Variants in TRPM8 observed in about 807,000 individuals in gnomAD.
TRPM8 encodes the protein transient receptor potential cation channel subfamily M member 8.
In TRPM8, 110 loss-of-function variants were observed where a neutral mutation model predicts 133.7. That is an observed-to-expected ratio of 0.82 (90% CI 0.70 to 0.96). The LOEUF is 0.96. Ranked by LOEUF, TRPM8 falls within the 40% of genes least tolerant of loss-of-function variation. The pLI is 0.00. For synonymous variants in TRPM8, 535 were observed against 532.3 expected, an observed-to-expected ratio of 1.01 and a Z score of -0.07; for missense variants, 1,291 against 1,379.5, an observed-to-expected ratio of 0.94 and a Z score of 1.02.
At chr2:233,935,562 TTGAGTCACCCAC>T (rs770870642) in intron 3 of TRPM8, among the ~76,000 whole-genome samples, 12 of 152,190 alleles carry the variant, frequency 7.9e-5, no homozygotes, top group Non-Finnish European at 1.2e-4. Context: ...AATCAGAACA[TTGAGTCACCCAC>T]TGATAAAAGG....
At chr2:233,963,558 G>T (rs564867139) in intron 13 of TRPM8, among the ~76,000 whole-genome samples, 181 bp downstream of exon 13, 1 of 152,184 alleles carries the variant, frequency 6.6e-6, no homozygotes, top group Non-Finnish European at 1.5e-5. Context: ...GACCGTCCCC[G>T]GAAAGTAGTC....
chr2:233,935,588 G>C (rs946810738), intron 3 of TRPM8, among the ~76,000 whole-genome samples: 1 of 152,226 alleles, frequency 6.6e-6, no homozygotes, highest in African/African-American at 2.4e-5. Flanking sequence ...TAAAAGGAGA[G>C]CTGTGCCCTT....
At chr2:233,946,085 G>T in intron 7 of TRPM8, 55 bp downstream of exon 7, 1 of 1,544,670 alleles carries the variant, frequency 6.5e-7, no homozygotes, top group African/African-American at 1.4e-5. Flanking sequence ...AGCAGCCACA[G>T]CATCAACAAC....
intron 11 of TRPM8, among the ~76,000 whole-genome samples, chr2:233,958,378 C>T (rs990149726): frequency 1.3e-5 from 2 of 152,204 alleles, no homozygotes; most frequent in African/African-American, 4.8e-5. Flanking sequence ...AAAGCCTCTT[C>T]TCATATGCTG....
At position 233,981,829 on chromosome 2, in the gene TRPM8, G is replaced by T; in HGVS notation, c.2503G>T (p.Asp835Tyr). 1 of 1,613,622 alleles carries T rather than the reference G, an allele frequency of 6.2e-7. No homozygotes were observed. Among genetic ancestry groups the T allele is most frequent in the Non-Finnish European group, 8.5e-7 (1 of 1,179,786 alleles). ...TTCTGGACGAGTCATTTTCTGTCTG[G>T]ACTACATTATTTTCACTCTAAGATT... ...LYSGRVIFCLDYIIFTLRLIH... is the reference protein window; with the variant it reads ...LYSGRVIFCLYYIIFTLRLIH... The change falls in exon 19 of 26, where the codon GAC (aspartate) becomes TAC (tyrosine). Residue 835 changes from aspartate (D) to tyrosine (Y), a missense_variant. Asp to Tyr is a radical substitution (Grantham distance 160). Transcript: ENST00000324695.
At chr2:233,997,879 C>T (rs1261693933) in intron 22 of TRPM8, among the ~76,000 whole-genome samples, 2 of 152,142 alleles carry the variant, frequency 1.3e-5, no homozygotes, top group East Asian at 3.9e-4. Flanking sequence ...CAGCTGTCAG[C>T]CACATGTCCT....
rs1355162073 is a variant in TRPM8 at position 234,014,650 on chromosome 2, G to A, written c.*38G>A. The A allele has an allele frequency of 8.5e-7, 1 of 1,175,682 alleles. No homozygotes were observed. The highest frequency in any genetic ancestry group is 2.7e-5 in the East Asian group (1 of 36,958). The allele number at this position is 1,175,682 out of a possible 1,614,324, so 72.8% of individuals were successfully genotyped here. On this transcript the variant is annotated 3_prime_UTR_variant, in exon 25 of 26. Coordinates refer to ENST00000324695, the MANE Select transcript of TRPM8 (RefSeq NM_024080.5). ...TCTAATGGAGAAAAATCTAATTATAGCAAGGTGAGTCATTCTAATAGCTTT... is the reference window on the plus strand; with the variant it reads ...TCTAATGGAGAAAAATCTAATTATAACAAGGTGAGTCATTCTAATAGCTTT...
intron 17 of TRPM8, among the ~76,000 whole-genome samples, chr2:233,979,634 C>A (rs531887916): frequency 1.1e-4 from 16 of 152,336 alleles, no homozygotes; most frequent in African/African-American, 3.6e-4. Context: ...ACGTCGGTCC[C>A]TGAGGCACAC....
intron 22 of TRPM8, among the ~76,000 whole-genome samples, chr2:233,999,037 C>A (rs548741444): frequency 6.6e-6 from 1 of 152,216 alleles, no homozygotes; most frequent in Middle Eastern, 3.4e-3. Context: ...AAAGGAGGGT[C>A]ATTTTACGTC....
intron 8 of TRPM8, chr2:233,947,448 C>A: frequency 7.1e-7 from 1 of 1,403,094 alleles, no homozygotes; most frequent in East Asian, 3.7e-5. Flanking sequence ...AAGATTGTAA[C>A]CGGCATATAT....
At chr2:233,952,372 C>A (rs1691190199) in intron 9 of TRPM8, among the ~76,000 whole-genome samples, 1 of 151,970 alleles carries the variant, frequency 6.6e-6, no homozygotes. Flanking sequence ...GCCGAGGGAG[C>A]CTGGCCTGGT....
At chr2:233,971,730 G>T (rs898483930) in intron 17 of TRPM8, among the ~76,000 whole-genome samples, 1 of 152,164 alleles carries the variant, frequency 6.6e-6, no homozygotes, top group East Asian at 1.9e-4. Context: ...GAGTGAAGCT[G>T]CAGACCTTTG....
At chr2:233,925,732 G>A (rs1691501213) in intron 1 of TRPM8, among the ~76,000 whole-genome samples, 1 of 152,136 alleles carries the variant, frequency 6.6e-6, no homozygotes, top group African/African-American at 2.4e-5. Flanking sequence ...TATGCAGGAA[G>A]GACAGTGCTT....
In TRPM8 at chr2:234,017,433, G is replaced by T. The variant is rs1692984203; in HGVS notation, c.*177G>T. On this transcript the variant is annotated 3_prime_UTR_variant, in exon 26 of 26. Transcript: ENST00000324695. ...ACCTTGAGAATAAAGTGTGTGATTG[G>T]TTTCATACTTGAAGACGGATATAAA... The T allele has an allele frequency of 2.2e-6, 1 of 461,960 alleles. No homozygotes were observed. The highest frequency in any genetic ancestry group is 4.5e-6 in the Non-Finnish European group (1 of 223,672). The allele number at this position is 461,960 out of a possible 1,614,324, so 28.6% of individuals were successfully genotyped here.
chr2:233,999,192 C>G (rs1431173768), intron 22 of TRPM8, among the ~76,000 whole-genome samples: 1 of 151,994 alleles, frequency 6.6e-6, no homozygotes, highest in African/African-American at 2.4e-5. Context: ...GGCTGGCTGC[C>G]TCTGTTCCTT....
rs1692130399 is a variant in TRPM8, at chr2:233,985,736, A to C, written c.2810A>C (p.Lys937Thr). ...TGCACCTTCACTGGGAATGAGTCCA[A>C]GCCACTGTGTGTGGAGCTGGATGAG... Reference protein sequence around the residue: ...AHCTFTGNESKPLCVELDEHN... With the variant: ...AHCTFTGNESTPLCVELDEHN... Residue 937 changes from lysine (K) to threonine (T), a missense_variant, in exon 21 of 26, where the codon AAG (lysine) becomes ACG (threonine). By Grantham distance (78) the Lys-to-Thr change is moderately conservative (BLOSUM62 -1). Coordinates refer to ENST00000324695, the MANE Select transcript of TRPM8 (RefSeq NM_024080.5). The C allele has an allele frequency of 6.2e-7, 1 of 1,614,112 alleles. No individual in the cohort carries two copies. Among genetic ancestry groups the C allele is most frequent in the Non-Finnish European group, 8.5e-7 (1 of 1,180,052 alleles).
intron 21 of TRPM8, among the ~76,000 whole-genome samples, chr2:233,993,191 C>T (rs181550182): frequency 1.3e-5 from 2 of 152,172 alleles, no homozygotes; most frequent in East Asian, 1.9e-4. Context: ...ATTCACACCC[C>T]CTGGGATGCC....
intron 22 of TRPM8, among the ~76,000 whole-genome samples, chr2:234,002,264 G>C (rs1692584757): frequency 6.6e-6 from 1 of 151,990 alleles, no homozygotes; most frequent in African/African-American, 2.4e-5. Context: ...AGGAGGACAG[G>C]GGAGAGAAGA....
At chr2:233,988,956 A>T (rs1279211389) in intron 21 of TRPM8, among the ~76,000 whole-genome samples, 1 of 152,206 alleles carries the variant, frequency 6.6e-6, no homozygotes, top group Non-Finnish European at 1.5e-5. Flanking sequence ...GCTTTTCTTT[A>T]CAGTGATAAG....
Sources: allele counts gnomAD v4.1 joint callset (sites outside exome capture counted in the v4.1 genomes callset), GRCh38; gene constraint gnomAD v4.1.1; transcripts MANE v1.5; gene names NCBI Gene and HGNC (gene_info 2026-07-23, HGNC 2026-07-21).